USB1: variants seen among roughly 807,000 people sequenced by gnomAD.
USB1 encodes U6 snRNA biogenesis phosphodiesterase 1, also known as U6 snRNA phosphodiesterase 1.
Under a neutral mutation model 29.9 loss-of-function variants are expected in USB1, and 21 were observed. The observed-to-expected ratio is 0.70, with a 90% CI of 0.50 to 1.01. The LOEUF (loss-of-function observed/expected upper bound fraction) is 1.01, where lower values mean the gene tolerates loss of function less well. Ranked by LOEUF, USB1 falls within the 50% of genes least tolerant of loss-of-function variation. The pLI is 0.00. For missense variants in USB1, 330 were observed against 347.1 expected (o/e 0.95, Z 0.39); for synonymous variants, 143 against 134.9 (o/e 1.06, Z -0.42).
Position 58,014,308 on chromosome 16 carries a change from CCAAT to C in USB1, c.489_492del (p.Asn163LysfsTer101), listed in dbSNP as rs777667891. ...ACTGCCAACCAGGTAAAGATTTACA[CCAAT>C]CAAGAGAAAACCAGGTGGGTCCTCC... On this transcript the variant is annotated frameshift_variant, in exon 4 of 7. Transcript: ENST00000219281. LOFTEE classifies it high-confidence loss of function. 29 of 1,613,596 alleles carry C rather than the reference CCAAT, an allele frequency of 1.8e-5. No homozygotes were observed. Among genetic ancestry groups the C allele is most frequent in the Non-Finnish European group, 2.4e-5 (28 of 1,179,728 alleles).
intron 2 of USB1, among the ~76,000 whole-genome samples, chr16:58,004,802 A>G (rs1472085559): frequency 6.6e-6 from 1 of 152,152 alleles, no homozygotes; most frequent in Non-Finnish European, 1.5e-5. Context: ...CGGAGACGAG[A>G]GATTGTAGAA....
chr16:58,002,770 CA>C, intron 2 of USB1, 125 bp downstream of exon 2: 2 of 1,353,800 alleles, frequency 1.5e-6, no homozygotes, highest in Non-Finnish European at 2.0e-6. Flanking sequence ...GTGGGAAAGT[CA>C]TTGACTTAGC....
intron 5 of USB1, 38 bp from the exon 6 acceptor site, chr16:58,018,934 C>T (rs374897546): frequency 1.3e-5 from 21 of 1,606,364 alleles, no homozygotes; most frequent in Non-Finnish European, 1.4e-5. Flanking sequence ...CCTGCCAAGG[C>T]GTCCGGGTGA....
Position 58,020,130 on chromosome 16 carries a change from G to A in USB1, c.694-11G>A. 1.2e-6 allele frequency: 2 copies of A among 1,614,054 alleles called. No homozygotes were observed. The highest frequency in any genetic ancestry group is 1.7e-6 in the Non-Finnish European group (2 of 1,179,944). On this transcript the variant is annotated splice_polypyrimidine_tract_variant and intron_variant, in intron 6 of 6. Coordinates refer to ENST00000219281, the MANE Select transcript of USB1 (RefSeq NM_024598.4). ...TTAATGTGACTGTCCTCCCCTGGCT[G>A]CTGTTTTAAGGCAATCGTGGATGGG...
intron 2 of USB1, among the ~76,000 whole-genome samples, chr16:58,003,778 T>C (rs1963288943): frequency 6.6e-6 from 1 of 152,216 alleles, no homozygotes; most frequent in African/African-American, 2.4e-5. Context: ...TTTAATATTA[T>C]GATGTGGGTC....
chr16:58,014,212 A>T, intron 3 of USB1, 61 bp from the exon 4 acceptor site: 1 of 1,346,156 alleles, frequency 7.4e-7, no homozygotes, highest in Non-Finnish European at 1.1e-6. Context: ...TTTTAACATA[A>T]GCTATTTTTT....
intron 5 of USB1, 81 bp downstream of exon 5, chr16:58,017,520 G>C (rs1385224993): frequency 5.4e-6 from 7 of 1,305,798 alleles, no homozygotes; most frequent in Non-Finnish European, 5.5e-6. Flanking sequence ...CTCGTAAGAG[G>C]CAAACCGAAG....
rs4784883 is a variant in USB1, at chr16:58,019,826, G to T, written c.694-315G>T. ...GTCCCTCGTTAAGGAGCCACCTTGC[G>T]CTTGGCCTGATGTTGCTGGAGGTGG... On this transcript the variant is annotated intron_variant, in intron 6 of 6. Transcript: ENST00000219281. Among the ~76,000 whole-genome samples the T allele has an allele frequency of 0.8, 122,363 of 152,150 alleles. 50,030 individuals are homozygous for T. The highest frequency in any genetic ancestry group is 0.93 in the African/African-American group (38,812 of 41,546).
At position 58,017,277 on chromosome 16, in the gene USB1, A is replaced by G. The variant is rs183726464; in HGVS notation, c.504-57A>G. 2.9e-5 allele frequency: 45 copies of G among 1,528,796 alleles called. No homozygotes were observed. The African/African-American group carries it at 4.9e-4, about 17-fold the overall frequency. 94.7% of individuals were successfully genotyped at this position (1,528,796 alleles called of 1,614,324 possible). ...CTGCCTGGCTCCTGCTCGGCTGCGC[A>G]GATGGCTGTGTTCTCAGAGGCTACA... is the stretch of plus-strand genomic sequence containing the variant. On this transcript the variant is annotated intron_variant, in intron 4 of 6. Coordinates refer to ENST00000219281, the MANE Select transcript of USB1 (RefSeq NM_024598.4).
rs572159271 is a variant in USB1 at position 58,013,443 on chromosome 16, G to A, written c.450-830G>A. On this transcript the variant is annotated intron_variant, in intron 3 of 6. Transcript: ENST00000219281. The surrounding 1 kb of genome is among the most constrained non-coding windows in gnomAD (Gnocchi z 4.3). ...TGGTATATTATGTTCCCTCAGATGGGGGTGAGACCCTTGGCCTGGGGGCTG... is the reference window on the plus strand; with the variant it reads ...TGGTATATTATGTTCCCTCAGATGGAGGTGAGACCCTTGGCCTGGGGGCTG... The A allele has an allele frequency of 1.1e-4, 113 of 985,492 alleles. No homozygotes were observed. In the African/African-American group the frequency reaches 1.9e-3, roughly 16 times the overall value. 61.0% of individuals were successfully genotyped at this position (985,492 alleles called of 1,614,324 possible).
intron 2 of USB1, among the ~76,000 whole-genome samples, chr16:58,009,376 T>C (rs376341259): frequency 6.6e-6 from 1 of 152,188 alleles, no homozygotes; most frequent in African/African-American, 2.4e-5. Flanking sequence ...TAAAACACTT[T>C]CAGGTTAGGC....
At chr16:58,014,126 C>T in intron 3 of USB1, 147 bp from the exon 4 acceptor site, 1 of 681,572 alleles carries the variant, frequency 1.5e-6, no homozygotes, top group Non-Finnish European at 2.6e-6. Flanking sequence ...GTTTAAGGTT[C>T]AGTATACCAC....
At position 58,013,682 on chromosome 16, in the gene USB1, A is replaced by G; in HGVS notation, c.450-591A>G. 1.0e-6 allele frequency: 1 copy of G among 952,762 alleles called. No homozygotes were observed. The highest frequency in any genetic ancestry group is 1.3e-6 in the Non-Finnish European group (1 of 798,468). The allele number at this position is 952,762 out of a possible 1,614,324, so 59.0% of individuals were successfully genotyped here. A position where few individuals can be genotyped will look rare whatever the true frequency, so the allele number is the denominator to read the frequency against. The stretch of plus-strand genomic sequence containing the variant: ...CACGAAAGCGTCATAGGTGACAACA[A>G]GGACTCTGGAAACAGGCAGACTGAC... On this transcript the variant is annotated intron_variant, in intron 3 of 6. Transcript: ENST00000219281. This position sits in a 1 kb window ranked among gnomAD's most constrained non-coding sequence, Gnocchi z 4.3.
At chr16:58,011,664 C>T in intron 3 of USB1, 1 of 988,066 alleles carries the variant, frequency 1.0e-6, no homozygotes, top group South Asian at 4.7e-5. Flanking sequence ...TCACAGGTGA[C>T]CCCTCCATCC....
intron 1 of USB1, 77 bp from the exon 2 acceptor site, chr16:58,002,402 A>G: frequency 6.3e-7 from 1 of 1,597,030 alleles, no homozygotes; most frequent in Non-Finnish European, 8.5e-7. Context: ...ATAAGGGGTT[A>G]CAACTTTTGT....
At chr16:58,011,617 C>T in intron 3 of USB1, 3 of 989,020 alleles carry the variant, frequency 3.0e-6, no homozygotes, top group Non-Finnish European at 3.6e-6. Context: ...TCACAGGTGA[C>T]ACCTCCGTCC....
intron 2 of USB1, among the ~76,000 whole-genome samples, chr16:58,003,295 C>T (rs1454536989): frequency 6.6e-6 from 1 of 152,132 alleles, no homozygotes; most frequent in East Asian, 1.9e-4. Context: ...GGTGTGGTGG[C>T]ACACGCCTAT....
intron 1 of USB1, among the ~76,000 whole-genome samples, chr16:58,002,005 T>G (rs1389234791): frequency 6.6e-6 from 1 of 152,236 alleles, no homozygotes; most frequent in African/African-American, 2.4e-5. Context: ...AATTCAGTGG[T>G]GAACAAAACC....
At chr16:58,012,774 T>C (rs889185494) in intron 3 of USB1, 2 of 1,013,624 alleles carry the variant, frequency 2.0e-6, no homozygotes, top group Admixed American at 5.5e-5. Context: ...ACTGGCACAC[T>C]GCACTTGCGC....
Sources: gnomAD v4.1 joint callset for allele counts (sites outside exome capture counted in the v4.1 genomes callset) on GRCh38, gnomAD v4.1.1 for gene constraint, Gnocchi (gnomAD v3.1) non-coding constraint, MANE v1.5 for transcripts, NCBI Gene and HGNC (gene_info 2026-07-23, HGNC 2026-07-21) for gene names.